The following ERGIC1 variants were observed in gnomAD, a reference collection of about 807,000 sequenced individuals.
ERGIC1 encodes endoplasmic reticulum-Golgi intermediate compartment protein 1.
ERGIC1 carries 19 observed loss-of-function variants against 38.3 expected under a neutral mutation model. The ratio of observed to expected loss-of-function variants is 0.50; its 90% confidence interval spans 0.35 to 0.73. The LOEUF (loss-of-function observed/expected upper bound fraction) is 0.73, where lower values mean the gene tolerates loss of function less well. Ranked by LOEUF, ERGIC1 falls within the 30% of genes least tolerant of loss-of-function variation. The pLI, the probability that ERGIC1 is intolerant of heterozygous loss-of-function variation, is 0.01. For synonymous variants in ERGIC1, 124 were observed against 157.6 expected, an observed-to-expected ratio of 0.79 and a Z score of 1.60; for missense variants, 294 against 389.2, an observed-to-expected ratio of 0.76 and a Z score of 2.06.
chr5:172,915,562 C>T (rs1763341386), intron 5 of ERGIC1: 1 of 471,054 alleles, frequency 2.1e-6, no homozygotes, highest in Non-Finnish European at 4.4e-6. Context: ...AACGCAGTGC[C>T]CTTGGGAGGG....
At chr5:172,847,899 A>G (rs1406367983) in intron 1 of ERGIC1, among the ~76,000 whole-genome samples, 1 of 152,236 alleles carries the variant, frequency 6.6e-6, no homozygotes, top group Non-Finnish European at 1.5e-5. Context: ...ACCTTATAAC[A>G]TCTTTGGAAA....
At chr5:172,887,496 G>A (rs557433068) in intron 1 of ERGIC1, among the ~76,000 whole-genome samples, 37 of 152,320 alleles carry the variant, frequency 2.4e-4, no homozygotes, top group East Asian at 7.7e-4. Context: ...TTTTACAAAG[G>A]AGGAAACAGG....
intron 3 of ERGIC1, among the ~76,000 whole-genome samples, chr5:172,908,445 A>G (rs952290035): frequency 5.3e-5 from 8 of 150,028 alleles, no homozygotes; most frequent in Admixed American, 5.3e-4. Context: ...GAGTGGTGGC[A>G]CGCACCTGTA....
chr5:172,845,154 G>C (rs1761256670), intron 1 of ERGIC1, among the ~76,000 whole-genome samples: 1 of 152,174 alleles, frequency 6.6e-6, no homozygotes, highest in Admixed American at 6.5e-5. Context: ...CACGCCCCAG[G>C]AGGGGAGTGT....
In ERGIC1 at chr5:172,846,209, T is replaced by A. The variant is rs1761278805; in HGVS notation, c.20+11776T>A. Among the ~76,000 whole-genome samples, 1 of 152,146 alleles carries A rather than the reference T, an allele frequency of 6.6e-6. No individual in the cohort carries two copies. On this transcript the variant is annotated intron_variant, in intron 1 of 9. Coordinates refer to ENST00000393784, the MANE Select transcript of ERGIC1 (RefSeq NM_001031711.3). This position sits in a 1 kb window ranked among gnomAD's most constrained non-coding sequence, Gnocchi z 4.0. Reference sequence around the variant, plus strand: ...TCTTTCTCCCCCTCCCCCAATCCCCTGCACCCATCATTCCTGTAAAGTGAC... The same window carrying A: ...TCTTTCTCCCCCTCCCCCAATCCCCAGCACCCATCATTCCTGTAAAGTGAC...
chr5:172,941,005 G>A (rs559044465), intron 9 of ERGIC1, among the ~76,000 whole-genome samples: 24 of 152,342 alleles, frequency 1.6e-4, no homozygotes, highest in African/African-American at 2.2e-4. Context: ...TCAGCTGGGC[G>A]CGGTGGCTTA....
intron 4 of ERGIC1, among the ~76,000 whole-genome samples, chr5:172,913,484 G>A (rs1272605457): frequency 3.3e-5 from 5 of 152,202 alleles, no homozygotes; most frequent in African/African-American, 9.7e-5. Context: ...GGGTCATTTC[G>A]AATGGCTCCA....
Position 172,874,189 on chromosome 5 carries a change from C to T in ERGIC1, c.21-14510C>T, listed in dbSNP as rs187938493. 7.0e-3 allele frequency among the ~76,000 whole-genome samples: 1,071 copies of T among 152,314 alleles called. 10 individuals are homozygous for T. The highest frequency in any genetic ancestry group is 0.025 in the African/African-American group (1,030 of 41,558). ...TGCCTCGTGGGTTCAAGCGATTCTC[C>T]TGCCTCAGCCTCCCAAGTAGCTGGG... On this transcript the variant is annotated intron_variant, in intron 1 of 9. Coordinates refer to ENST00000393784, the MANE Select transcript of ERGIC1 (RefSeq NM_001031711.3).
At position 172,834,691 on chromosome 5, in the gene ERGIC1, G is replaced by T. The variant is rs1439842796; in HGVS notation, c.20+258G>T. On this transcript the variant is annotated intron_variant, in intron 1 of 9. Transcript: ENST00000393784. This position sits in a 1 kb window ranked among gnomAD's most constrained non-coding sequence, Gnocchi z 4.1. Reference sequence around the variant, plus strand: ...CCGAGCCCCCTCCCCAGCCTGCCCGGATACCTTGCATTCCCCTCCCCCACA... The same window carrying T: ...CCGAGCCCCCTCCCCAGCCTGCCCGTATACCTTGCATTCCCCTCCCCCACA... 6.7e-6 allele frequency among the ~76,000 whole-genome samples: 1 copy of T among 149,830 alleles called. No homozygotes were observed. The highest frequency in any genetic ancestry group is 2.5e-5 in the African/African-American group (1 of 40,812).
intron 9 of ERGIC1, among the ~76,000 whole-genome samples, chr5:172,945,660 AG>A (rs144519173): frequency 0.035 from 5,373 of 152,040 alleles, 306 homozygotes; most frequent in African/African-American, 0.12. Flanking sequence ...GTAGAGCCGC[AG>A]GGGTTTTGTC....
At chr5:172,929,045 C>T (rs1179189516) in intron 7 of ERGIC1, among the ~76,000 whole-genome samples, 1 of 152,090 alleles carries the variant, frequency 6.6e-6, no homozygotes, top group Non-Finnish European at 1.5e-5. Flanking sequence ...CAAATTGTAT[C>T]TTGTATTGTG....
intron 4 of ERGIC1, among the ~76,000 whole-genome samples, chr5:172,912,363 A>G (rs1223032741): frequency 6.6e-6 from 1 of 152,094 alleles, no homozygotes; most frequent in African/African-American, 2.4e-5. Context: ...TGATAATATT[A>G]TCTTCCCCAC....
At chr5:172,901,510 G>T (rs1025183239) in intron 3 of ERGIC1, among the ~76,000 whole-genome samples, 5 of 152,188 alleles carry the variant, frequency 3.3e-5, no homozygotes, top group Admixed American at 6.5e-5. Flanking sequence ...AGTTTATAAT[G>T]TAATATAACT....
intron 9 of ERGIC1, among the ~76,000 whole-genome samples, chr5:172,950,028 A>T (rs12055293): frequency 1.3e-5 from 2 of 152,120 alleles, no homozygotes. Flanking sequence ...AGCTGAGATC[A>T]CGCCACTGCA....
At chr5:172,935,335 G>A in intron 9 of ERGIC1, 25 bp downstream of exon 9, 1 of 1,613,696 alleles carries the variant, frequency 6.2e-7, no homozygotes. Flanking sequence ...GCAGTGGGTG[G>A]GGCCCTGAGC....
Position 172,914,774 on chromosome 5 carries a change from C to T in ERGIC1, c.311C>T (p.Ser104Phe), listed in dbSNP as rs1296770116. 6.2e-7 allele frequency: 1 copy of T among 1,614,146 alleles called. No homozygotes were observed. Among genetic ancestry groups the T allele is most frequent in the Admixed American group, 1.7e-5 (1 of 60,026 alleles). Residue 104 changes from serine to phenylalanine, a missense_variant, in exon 5 of 10, where the codon TCC (serine) becomes TTC (phenylalanine). By Grantham distance (155) the Ser-to-Phe change is radical. Transcript: ENST00000393784. ...GRHEVGHIDN[S>F]MKIPLNNGAG... ...CACGAAGTGGGCCACATCGACAACT[C>T]CATGAAGATCCCGCTGAACAATGGG...
intron 5 of ERGIC1, among the ~76,000 whole-genome samples, chr5:172,919,182 C>T (rs1763449696): frequency 6.6e-6 from 1 of 152,114 alleles, no homozygotes; most frequent in African/African-American, 2.4e-5. Context: ...ATAAAGCAGC[C>T]GTGAAGAGAA....
intron 9 of ERGIC1, among the ~76,000 whole-genome samples, chr5:172,948,959 C>A (rs1023240867): frequency 2.0e-5 from 3 of 152,116 alleles, no homozygotes; most frequent in Admixed American, 6.5e-5. Context: ...GAGGCTGAGG[C>A]AGGAGAATCA....
intron 9 of ERGIC1, among the ~76,000 whole-genome samples, chr5:172,946,673 G>C (rs1055173187): frequency 1.3e-5 from 2 of 152,242 alleles, no homozygotes; most frequent in South Asian, 4.2e-4. Context: ...CCTGGCACTG[G>C]GCATTTCTGA....
Sources: gnomAD v4.1 joint callset for allele counts (sites outside exome capture counted in the v4.1 genomes callset) on GRCh38, gnomAD v4.1.1 for gene constraint, Gnocchi (gnomAD v3.1) non-coding constraint, MANE v1.5 for transcripts, NCBI Gene and HGNC (gene_info 2026-07-23, HGNC 2026-07-21) for gene names.